Variants in FSIP1 observed in about 807,000 individuals in gnomAD.
FSIP1 encodes the protein fibrous sheath-interacting protein 1.
FSIP1 carries 65 observed loss-of-function variants against 60.9 expected under a neutral mutation model. That is an observed-to-expected ratio of 1.07 (90% CI 0.87 to 1.31). The LOEUF (loss-of-function observed/expected upper bound fraction) is 1.31, where lower values mean the gene tolerates loss of function less well. Ranked by LOEUF, FSIP1 falls within the 40% of genes most tolerant of loss-of-function variation. The pLI is 0.00. For missense variants in FSIP1, 675 were observed against 665.5 expected (o/e 1.01, Z -0.16); for synonymous variants, 209 against 221.2 (o/e 0.94, Z 0.49).
In FSIP1 at chr15:39,731,985, G is replaced by A. The variant is rs140988214; in HGVS notation, c.892-5238C>T. 2.6e-4 allele frequency among the ~76,000 whole-genome samples: 39 copies of A among 152,296 alleles called. 1 individual carries two copies. The highest frequency in any genetic ancestry group is 1.9e-3 in the East Asian group (10 of 5,184). ...AGTCCCCAACATTTTTGGCCCCAGG[G>A]ACAGGTTTCCTGGAAGAAAATTATT... is the stretch of plus-strand genomic sequence containing the variant. On this transcript the variant is annotated intron_variant, in intron 8 of 11. Coordinates refer to ENST00000350221, the MANE Select transcript of FSIP1 (RefSeq NM_152597.5).
intron 9 of FSIP1, among the ~76,000 whole-genome samples, chr15:39,716,422 A>G (rs1228348767): frequency 1.3e-5 from 2 of 152,230 alleles, no homozygotes; most frequent in Non-Finnish European, 2.9e-5. Flanking sequence ...TGAACAAACC[A>G]CCAACTGAGA....
intron 4 of FSIP1, 144 bp from the exon 5 acceptor site, chr15:39,764,058 TCTC>T (rs1328836864): frequency 1.0e-5 from 6 of 573,608 alleles, no homozygotes; most frequent in Non-Finnish European, 1.9e-5. Flanking sequence ...AATCTGTAAA[TCTC>T]CTCTGTTCTC....
chr15:39,726,389 A>G (rs1474068908), intron 9 of FSIP1, among the ~76,000 whole-genome samples, 200 bp downstream of exon 9: 1 of 152,222 alleles, frequency 6.6e-6, no homozygotes, highest in Non-Finnish European at 1.5e-5. Context: ...ATTAAAAGAA[A>G]TATTTCCTCA....
At chr15:39,680,822 A>C (rs1253903466) in intron 10 of FSIP1, among the ~76,000 whole-genome samples, 1 of 152,254 alleles carries the variant, frequency 6.6e-6, no homozygotes, top group Non-Finnish European at 1.5e-5. Context: ...CACTGTGCTA[A>C]GAGCTTTATA....
chr15:39,705,410 AT>A (rs1196800665), intron 10 of FSIP1, among the ~76,000 whole-genome samples: 2 of 152,316 alleles, frequency 1.3e-5, no homozygotes, highest in African/African-American at 4.8e-5. Context: ...GTTACTATTC[AT>A]TTAAATTACT....
intron 5 of FSIP1, among the ~76,000 whole-genome samples, chr15:39,760,632 C>T (rs778782668): frequency 5.3e-5 from 8 of 151,960 alleles, no homozygotes; most frequent in Non-Finnish European, 1.0e-4. Context: ...GTCAACATCA[C>T]GACAGACAAG....
intron 10 of FSIP1, among the ~76,000 whole-genome samples, chr15:39,643,941 A>T (rs1358106350): frequency 2.0e-5 from 3 of 152,248 alleles, no homozygotes; most frequent in Non-Finnish European, 4.4e-5. Flanking sequence ...AAGTGTGCCA[A>T]CCATAAATTA....
At chr15:39,716,467 C>T (rs749037934) in intron 9 of FSIP1, among the ~76,000 whole-genome samples, 1 of 152,150 alleles carries the variant, frequency 6.6e-6, no homozygotes, top group African/African-American at 2.4e-5. Context: ...TGACAGAGGA[C>T]TTGTATCCAG....
At chr15:39,723,958 G>GA (rs1439748219) in intron 9 of FSIP1, among the ~76,000 whole-genome samples, 2 of 152,180 alleles carry the variant, frequency 1.3e-5, no homozygotes, top group Non-Finnish European at 2.9e-5. Context: ...AAGGGAAATT[G>GA]AACAAAAGCT....
chr15:39,782,038 T>C (rs1251407225), intron 1 of FSIP1, among the ~76,000 whole-genome samples: 2 of 152,240 alleles, frequency 1.3e-5, no homozygotes, highest in African/African-American at 2.4e-5. Flanking sequence ...CCATAAAATA[T>C]ATTAGAATTG....
chr15:39,674,478 C>G (rs1893857121), intron 10 of FSIP1, among the ~76,000 whole-genome samples: 1 of 152,000 alleles, frequency 6.6e-6, no homozygotes, highest in Admixed American at 6.6e-5. Context: ...AGGAGGGGAC[C>G]TGCACCCTAT....
intron 10 of FSIP1, among the ~76,000 whole-genome samples, chr15:39,695,567 A>G (rs1894782096): frequency 6.6e-6 from 1 of 152,156 alleles, no homozygotes; most frequent in African/African-American, 2.4e-5. Context: ...CAATATTACC[A>G]TATTACTTTC....
At chr15:39,733,864 T>G (rs1417966787) in intron 8 of FSIP1, among the ~76,000 whole-genome samples, 2 of 152,304 alleles carry the variant, frequency 1.3e-5, no homozygotes, top group African/African-American at 4.8e-5. Flanking sequence ...AGACATGAGC[T>G]GCTCACTCCT....
At chr15:39,619,808 T>A (rs1328295199) in intron 10 of FSIP1, among the ~76,000 whole-genome samples, 3 of 152,156 alleles carry the variant, frequency 2.0e-5, no homozygotes, top group Non-Finnish European at 2.9e-5. Flanking sequence ...AGTGTCATCC[T>A]TACCAAACAT....
At chr15:39,660,108 A>C (rs1893238212) in intron 10 of FSIP1, among the ~76,000 whole-genome samples, 1 of 152,292 alleles carries the variant, frequency 6.6e-6, no homozygotes. Flanking sequence ...TGAGAGAGGA[A>C]AGAGAGAAGG....
Position 39,726,638 on chromosome 15 carries a change from G to A in FSIP1, c.1001C>T (p.Ser334Phe), listed in dbSNP as rs968122599. The A allele has an allele frequency of 6.2e-7, 1 of 1,614,124 alleles. No individual in the cohort carries two copies. The highest frequency in any genetic ancestry group is 1.3e-5 in the African/African-American group (1 of 75,034). The change falls in exon 9 of 12, where the codon TCC (serine) becomes TTC (phenylalanine). Residue 334 changes from serine (S) to phenylalanine (F), a missense_variant. Coordinates refer to ENST00000350221, the MANE Select transcript of FSIP1 (RefSeq NM_152597.5). ...DIKLQELSAA[S>F]PTISSFSPRL... The stretch of plus-strand genomic sequence containing the variant: ...TGGAGAAAAACTGGAAATTGTAGGG[G>A]AGGCTGCAGAGAGTTCTTGGAGTTT...
At chr15:39,762,943 G>A (rs948738685) in intron 5 of FSIP1, among the ~76,000 whole-genome samples, 2 of 152,028 alleles carry the variant, frequency 1.3e-5, no homozygotes, top group African/African-American at 4.8e-5. Flanking sequence ...ATTAGTGGGG[G>A]AAAGGTTACA....
intron 10 of FSIP1, among the ~76,000 whole-genome samples, chr15:39,664,532 G>A (rs923711123): frequency 5.9e-5 from 9 of 152,032 alleles, no homozygotes; most frequent in East Asian, 5.8e-4. Flanking sequence ...ATAAGCAAGC[G>A]AATGTATTTT....
intron 5 of FSIP1, among the ~76,000 whole-genome samples, chr15:39,745,324 A>C (rs1222868430): frequency 6.6e-6 from 1 of 152,214 alleles, no homozygotes; most frequent in African/African-American, 2.4e-5. Flanking sequence ...ATGACATATA[A>C]GGAAACCAAT....
Sources: allele counts gnomAD v4.1 joint callset (sites outside exome capture counted in the v4.1 genomes callset), GRCh38; gene constraint gnomAD v4.1.1; transcripts MANE v1.5; gene names NCBI Gene and HGNC (gene_info 2026-07-23, HGNC 2026-07-21).